APBB2: variants seen among roughly 807,000 people sequenced by gnomAD.
The protein encoded by APBB2 is Fe65-like 1.
Under a neutral mutation model 82.5 loss-of-function variants are expected in APBB2, and 38 were observed. That is an observed-to-expected ratio of 0.46 (90% confidence interval 0.36 to 0.60). The LOEUF (loss-of-function observed/expected upper bound fraction) is 0.60. Ranked by LOEUF, APBB2 falls within the 20% of genes least tolerant of loss-of-function variation. The probability of loss-of-function intolerance (pLI) is 0.00; values close to 1 mark genes in which losing one functional copy is unlikely to be tolerated. For missense variants in APBB2, 772 were observed against 972.3 expected (o/e 0.79, Z 2.74); for synonymous variants, 341 against 368.2 (o/e 0.93, Z 0.85).
At chr4:41,104,440 G>A (rs1746471678) in intron 2 of APBB2, among the ~76,000 whole-genome samples, 1 of 152,122 alleles carries the variant, frequency 6.6e-6, no homozygotes, top group South Asian at 2.1e-4. Context: ...CCCATGCTTG[G>A]CTAGGAGTAC....
At chr4:40,950,131 A>T (rs937319446) in intron 6 of APBB2, among the ~76,000 whole-genome samples, 4 of 152,212 alleles carry the variant, frequency 2.6e-5, no homozygotes, top group African/African-American at 9.7e-5. Context: ...GTCACAACAC[A>T]ATAGATTTCC....
intron 2 of APBB2, among the ~76,000 whole-genome samples, chr4:41,100,958 C>T (rs1449456848): frequency 6.6e-6 from 1 of 152,144 alleles, no homozygotes; most frequent in Non-Finnish European, 1.5e-5. Flanking sequence ...GATCTGTCGC[C>T]TTATTAAAGT....
chr4:41,101,237 G>C, intron 2 of APBB2, among the ~76,000 whole-genome samples: 1 of 151,760 alleles, frequency 6.6e-6, no homozygotes, highest in Non-Finnish European at 1.5e-5. Context: ...GGCCGAGGCG[G>C]GTGGATCATG....
At chr4:40,915,454 G>A (rs1008114134) in intron 10 of APBB2, among the ~76,000 whole-genome samples, 1 of 152,182 alleles carries the variant, frequency 6.6e-6, no homozygotes, top group Non-Finnish European at 1.5e-5. Flanking sequence ...CCTGATCCTA[G>A]TGAGTGTTAA....
intron 12 of APBB2, among the ~76,000 whole-genome samples, chr4:40,887,850 G>A (rs544035051): frequency 1.3e-5 from 2 of 152,302 alleles, no homozygotes; most frequent in African/African-American, 4.8e-5. Context: ...GTGAGAATAA[G>A]AAGTGATTTA....
At chr4:40,868,401 AG>A (rs1240765570) in intron 12 of APBB2, among the ~76,000 whole-genome samples, 1 of 152,202 alleles carries the variant, frequency 6.6e-6, no homozygotes, top group Non-Finnish European at 1.5e-5. Context: ...TGAGGAAAAG[AG>A]GGGAAACTGC....
At chr4:40,828,511 C>T (rs909466114) in intron 13 of APBB2, among the ~76,000 whole-genome samples, 15 of 152,208 alleles carry the variant, frequency 9.9e-5, no homozygotes, top group Non-Finnish European at 2.1e-4. Flanking sequence ...GCGTTTCCTG[C>T]ATACTTATTC....
At chr4:40,969,709 C>T (rs1795494834) in intron 6 of APBB2, among the ~76,000 whole-genome samples, 1 of 152,188 alleles carries the variant, frequency 6.6e-6, no homozygotes, top group South Asian at 2.1e-4. Context: ...GACAACATGA[C>T]TTCCAGCTGT....
At chr4:41,206,357 T>C (rs1469009995) in intron 1 of APBB2, among the ~76,000 whole-genome samples, 2 of 152,206 alleles carry the variant, frequency 1.3e-5, no homozygotes, top group South Asian at 2.1e-4. Flanking sequence ...CAGCACCCTA[T>C]AACCAATGTT....
intron 1 of APBB2, among the ~76,000 whole-genome samples, chr4:41,198,149 G>A: frequency 1.3e-5 from 2 of 152,156 alleles, no homozygotes; most frequent in African/African-American, 4.8e-5. Flanking sequence ...AAGCAGTCTG[G>A]CTCCATATTC....
At chr4:41,094,126 TAAG>T (rs768493679) in intron 3 of APBB2, among the ~76,000 whole-genome samples, 6 of 152,136 alleles carry the variant, frequency 3.9e-5, no homozygotes, top group East Asian at 1.9e-4. Flanking sequence ...TCAATAAAAA[TAAG>T]AAGAAGAAAA....
chr4:40,947,739 T>A (rs1788846095), intron 6 of APBB2, among the ~76,000 whole-genome samples: 1 of 152,248 alleles, frequency 6.6e-6, no homozygotes, highest in African/African-American at 2.4e-5. Context: ...CTTCATATTA[T>A]CTCACATTGG....
chr4:41,022,596 A>G (rs986705050), intron 5 of APBB2, among the ~76,000 whole-genome samples: 1 of 152,166 alleles, frequency 6.6e-6, no homozygotes, highest in South Asian at 2.1e-4. Flanking sequence ...TCATAAATGC[A>G]TTTCTATTAC....
At chr4:41,120,841 A>C (rs1297147562) in intron 2 of APBB2, among the ~76,000 whole-genome samples, 1 of 152,252 alleles carries the variant, frequency 6.6e-6, no homozygotes, top group East Asian at 1.9e-4. Flanking sequence ...AACCTAAATC[A>C]AGTGAAAAGT....
rs1730970662 is a variant in APBB2, at chr4:41,064,368, G to C, written c.-51+1208C>G. On this transcript the variant is annotated intron_variant, in intron 4 of 17. Transcript: ENST00000508593. Reference sequence around the variant, plus strand: ...TTCCTATAAAGAAAAAAACTGAGCTGCACAAGGTAATAGGACTTAAAGATG... The same window carrying C: ...TTCCTATAAAGAAAAAAACTGAGCTCCACAAGGTAATAGGACTTAAAGATG... 1.3e-5 allele frequency among the ~76,000 whole-genome samples: 2 copies of C among 152,174 alleles called. 1 individual carries two copies. The highest frequency in any genetic ancestry group is 4.1e-4 in the South Asian group (2 of 4,838).
At chr4:40,962,037 A>T (rs1025362172) in intron 6 of APBB2, among the ~76,000 whole-genome samples, 1 of 152,236 alleles carries the variant, frequency 6.6e-6, no homozygotes, top group Non-Finnish European at 1.5e-5. Flanking sequence ...AGAGGAAAGC[A>T]AACGTTCTCT....
At chr4:40,950,449 T>A (rs1428909320) in intron 6 of APBB2, among the ~76,000 whole-genome samples, 1 of 152,202 alleles carries the variant, frequency 6.6e-6, no homozygotes, top group African/African-American at 2.4e-5. Context: ...CAGTGGCTCA[T>A]GCCTATAATC....
chr4:41,183,731 T>C (rs1457148667), intron 1 of APBB2, among the ~76,000 whole-genome samples: 8 of 151,424 alleles, frequency 5.3e-5, no homozygotes, highest in Admixed American at 5.3e-4. Context: ...CCTCCAGAAC[T>C]GTAAAACAAT....
At chr4:41,087,700 A>G (rs1472764923) in intron 3 of APBB2, among the ~76,000 whole-genome samples, 1 of 151,918 alleles carries the variant, frequency 6.6e-6, no homozygotes, top group Non-Finnish European at 1.5e-5. Flanking sequence ...TAGTGCTGGG[A>G]TTACAGGTGT....
Sources: gnomAD v4.1 joint callset for allele counts (sites outside exome capture counted in the v4.1 genomes callset) on GRCh38, gnomAD v4.1.1 for gene constraint, MANE v1.5 for transcripts, NCBI Gene and HGNC (gene_info 2026-07-23, HGNC 2026-07-21) for gene names.